The following GPHN variants were observed in gnomAD, a reference collection of about 807,000 sequenced individuals.
GPHN encodes the protein gephyrin.
GPHN carries 17 observed loss-of-function variants against 95.5 expected under a neutral mutation model. That is an observed-to-expected ratio of 0.18 (90% confidence interval 0.12 to 0.27). The LOEUF (loss-of-function observed/expected upper bound fraction) is 0.27. Ranked by LOEUF, GPHN falls within the 10% of genes least tolerant of loss-of-function variation. GPHN has a pLI of 1.00. For missense variants in GPHN, 660 were observed against 978.1 expected (o/e 0.67, Z 4.34); for synonymous variants, 320 against 322.5 (o/e 0.99, Z 0.08).
intron 13 of GPHN, 37 bp from the exon 14 acceptor site, chr14:67,110,103 A>G (rs750673194): frequency 1.2e-6 from 2 of 1,603,520 alleles, no homozygotes; most frequent in Non-Finnish European, 1.7e-6. Context: ...TTGCAGCAGC[A>G]AAGTACATCA....
chr14:66,651,487 C>T (rs773308375), intron 1 of GPHN, among the ~76,000 whole-genome samples: 4 of 152,102 alleles, frequency 2.6e-5, no homozygotes, highest in African/African-American at 4.8e-5. Flanking sequence ...TTGAGTATTA[C>T]CTCCCAACCA....
intron 1 of GPHN, among the ~76,000 whole-genome samples, chr14:66,548,324 G>A (rs1371014199): frequency 1.3e-5 from 2 of 151,984 alleles, no homozygotes; most frequent in Non-Finnish European, 2.9e-5. Flanking sequence ...GGGATTACGG[G>A]CGCCCACTAC....
chr14:67,370,686 A>G, the GPHN span, among the ~76,000 whole-genome samples: 1 of 152,180 alleles, frequency 6.6e-6, no homozygotes, highest in Non-Finnish European at 1.5e-5. Context: ...TGAGTGTCCT[A>G]TATGTTAGAG....
intron 2 of GPHN, among the ~76,000 whole-genome samples, chr14:66,756,878 G>A (rs1198910360): frequency 6.6e-6 from 1 of 152,120 alleles, no homozygotes; most frequent in Non-Finnish European, 1.5e-5. Context: ...AAACAGAACA[G>A]GCATACTTCT....
Position 66,965,310 on chromosome 14 carries a change from C to T in GPHN, c.948C>T (p.Ser316=). The change falls in exon 9 of 23, where the codon TCC becomes TCT. Residue 316 remains serine (S), a synonymous_variant. Coordinates refer to ENST00000478722, the MANE Select transcript of GPHN (RefSeq NM_020806.5). ...AQATSRLSTA[S]CPTPKVQSRC... is the part of the protein sequence containing the mutation. The stretch of plus-strand genomic sequence containing the variant: ...CTACATCTCGCCTCTCTACAGCTTC[C>T]TGCCCAACACCAAAAGTAAGTATGG... 1.2e-6 allele frequency: 2 copies of T among 1,613,874 alleles called. No individual in the cohort carries two copies. The highest frequency in any genetic ancestry group is 1.1e-5 in the South Asian group (1 of 91,076).
At chr14:67,511,082 A>G in the GPHN span, among the ~76,000 whole-genome samples, 1 of 152,172 alleles carries the variant, frequency 6.6e-6, no homozygotes, top group South Asian at 2.1e-4. Flanking sequence ...AGGGTGAGTG[A>G]CCTTTCCAAT....
intron 3 of GPHN, among the ~76,000 whole-genome samples, chr14:66,799,670 T>C (rs2060274965): frequency 6.6e-6 from 1 of 152,068 alleles, no homozygotes; most frequent in Non-Finnish European, 1.5e-5. Flanking sequence ...AATATCTTTT[T>C]CCATTCCTTT....
chr14:67,707,049 C>T, the GPHN span, among the ~76,000 whole-genome samples: 16 of 152,190 alleles, frequency 1.1e-4, no homozygotes, highest in African/African-American at 3.1e-4. Context: ...GGTATGAAAG[C>T]GGTTTATGTA....
At chr14:67,205,833 G>T in the GPHN span, among the ~76,000 whole-genome samples, 1 of 152,154 alleles carries the variant, frequency 6.6e-6, no homozygotes, top group Non-Finnish European at 1.5e-5. Flanking sequence ...TGGCAGGATG[G>T]ATTATAGGTA....
the GPHN span, among the ~76,000 whole-genome samples, chr14:67,420,403 T>C: frequency 6.6e-6 from 1 of 152,300 alleles, no homozygotes; most frequent in African/African-American, 2.4e-5. Flanking sequence ...AAGGGACGTG[T>C]GACCGGTAGC....
intron 1 of GPHN, among the ~76,000 whole-genome samples, chr14:66,594,560 A>C (rs979921266): frequency 2.6e-5 from 4 of 152,178 alleles, no homozygotes; most frequent in South Asian, 2.1e-4. Context: ...AGATCACACA[A>C]TGGGGGAAGG....
At chr14:67,349,439 C>T in the GPHN span, among the ~76,000 whole-genome samples, 1 of 152,200 alleles carries the variant, frequency 6.6e-6, no homozygotes, top group Admixed American at 6.5e-5. Flanking sequence ...GAGAAAACTC[C>T]TTTCTAGGTT....
At chr14:66,887,438 T>G (rs759711983) in intron 5 of GPHN, among the ~76,000 whole-genome samples, 1 of 152,040 alleles carries the variant, frequency 6.6e-6, no homozygotes, top group African/African-American at 2.4e-5. Context: ...ATACAAAAAA[T>G]TAGCTGGGCA....
chr14:67,308,906 G>C, the GPHN span, among the ~76,000 whole-genome samples: 4 of 151,702 alleles, frequency 2.6e-5, no homozygotes, highest in African/African-American at 9.7e-5. Context: ...TGGAACATTG[G>C]ATCCCTAAAA....
chr14:67,133,034 C>T (rs1368238089), intron 17 of GPHN, among the ~76,000 whole-genome samples: 1 of 152,110 alleles, frequency 6.6e-6, no homozygotes, highest in Admixed American at 6.6e-5. Flanking sequence ...TTACATGACT[C>T]CATGGTCCCA....
chr14:66,882,650 T>G (rs970444472), intron 5 of GPHN, among the ~76,000 whole-genome samples: 2 of 151,828 alleles, frequency 1.3e-5, no homozygotes, highest in Non-Finnish European at 2.9e-5. Context: ...TTAATCTATG[T>G]AAAGCACTTA....
chr14:67,390,757 G>T, the GPHN span: 5 of 1,589,526 alleles, frequency 3.1e-6, no homozygotes, highest in Admixed American at 1.7e-5. Context: ...CTGAGGCAAA[G>T]AAATGGTTCA....
intron 2 of GPHN, chr14:66,760,748 A>T: frequency 2.2e-6 from 1 of 462,018 alleles, no homozygotes; most frequent in Admixed American, 2.7e-5. Context: ...TGAATTTGAA[A>T]AACATAGAAA....
intron 1 of GPHN, among the ~76,000 whole-genome samples, chr14:66,669,501 T>TA: frequency 1.3e-5 from 1 of 75,806 alleles, no homozygotes; most frequent in East Asian, 6.7e-4. Context: ...TGAGTTGTTA[T>TA]TTTTTTTTAA....
Sources: gnomAD v4.1 joint callset for allele counts (sites outside exome capture counted in the v4.1 genomes callset) on GRCh38, gnomAD v4.1.1 for gene constraint, MANE v1.5 for transcripts, NCBI Gene and HGNC (gene_info 2026-07-23, HGNC 2026-07-21) for gene names.